The following FAT3 variants were observed in gnomAD, a reference collection of about 807,000 sequenced individuals.
FAT3 encodes protocadherin Fat 3.
A neutral mutation model predicts 310.2 loss-of-function variants in FAT3; 95 were observed. The observed-to-expected ratio is 0.31, with a 90% CI of 0.26 to 0.36. The LOEUF (loss-of-function observed/expected upper bound fraction) is 0.36. Among genes scored for constraint, FAT3 ranks in the 10% least tolerant of loss-of-function variants. The probability of loss-of-function intolerance (pLI) is 1.00; values close to 1 mark genes in which losing one functional copy is unlikely to be tolerated. For synonymous variants in FAT3, 2,314 were observed against 2,192.9 expected (o/e 1.06, Z -1.54); for missense variants, 5,408 against 5,715.6 (o/e 0.95, Z 1.74).
Position 92,798,545 on chromosome 11 carries a change from T to C in FAT3, c.5532T>C (p.Ile1844=), listed in dbSNP as rs2136179238. The change falls in exon 10 of 28, where the codon ATT becomes ATC. Residue 1844 remains isoleucine, a synonymous_variant. Coordinates refer to ENST00000525166, the MANE Select transcript of FAT3 (RefSeq NM_001367949.2). ...TTGCCAACCTGGACCATGAAACCAT[T>C]GCCCATTTCCATTTTCATGTGCATG... ...RTIANLDHET[I]AHFHFHVHVR... The C allele has an allele frequency of 1.9e-6, 3 of 1,613,724 alleles. No homozygotes were observed. The highest frequency in any genetic ancestry group is 2.5e-6 in the Non-Finnish European group (3 of 1,179,730).
chr11:92,682,157 C>T lies in FAT3; in HGVS notation c.3608-15227C>T, dbSNP rs138241006. On this transcript the variant is annotated intron_variant, in intron 3 of 27. Coordinates refer to ENST00000525166, the MANE Select transcript of FAT3 (RefSeq NM_001367949.2). ...CAAAACCTTAGGCAAGTTACACGGT[C>T]TTGCTAAGATTCAATCTCCTCAACT... Among the ~76,000 whole-genome samples, 5 of 152,308 alleles carry T rather than the reference C, an allele frequency of 3.3e-5. No homozygotes were observed. In the East Asian group the frequency reaches 9.7e-4, roughly 29 times the overall value.
chr11:92,548,552 G>A (rs1433749944), intron 3 of FAT3, among the ~76,000 whole-genome samples: 1 of 152,200 alleles, frequency 6.6e-6, no homozygotes, highest in African/African-American at 2.4e-5. Flanking sequence ...TCCCTGAACT[G>A]ATGATGATAA....
intron 3 of FAT3, among the ~76,000 whole-genome samples, chr11:92,634,764 TTGTGTTCCC>T (rs1941693114): frequency 6.6e-6 from 1 of 152,156 alleles, no homozygotes; most frequent in Admixed American, 6.5e-5. Context: ...GACTGAACAT[TTGTGTTCCC>T]CAAAAATTCA....
intron 3 of FAT3, among the ~76,000 whole-genome samples, chr11:92,607,074 G>A (rs1022221939): frequency 6.6e-6 from 1 of 152,196 alleles, no homozygotes; most frequent in African/African-American, 2.4e-5. Flanking sequence ...GATGTCCTTA[G>A]TGTTCACCTA....
At chr11:92,745,704 A>G (rs1051433526) in intron 4 of FAT3, among the ~76,000 whole-genome samples, 6 of 152,200 alleles carry the variant, frequency 3.9e-5, no homozygotes, top group African/African-American at 1.4e-4. Context: ...TGAATTGGTC[A>G]AGGATCTTTC....
At chr11:92,853,093 G>A (rs1948875170) in intron 19 of FAT3, among the ~76,000 whole-genome samples, 1 of 152,318 alleles carries the variant, frequency 6.6e-6, no homozygotes, top group South Asian at 2.1e-4. Context: ...TACTGGCCCA[G>A]ATCCCACACC....
chr11:92,237,490 C>T (rs1390117793), intron 1 of FAT3, among the ~76,000 whole-genome samples: 3 of 151,930 alleles, frequency 2.0e-5, no homozygotes, highest in Non-Finnish European at 4.4e-5. Context: ...TATTAATATC[C>T]CTGATGAGAA....
chr11:92,728,877 A>G lies in FAT3; in HGVS notation c.3669+31432A>G, dbSNP rs765759494. Among the ~76,000 whole-genome samples the G allele has an allele frequency of 1.1e-4, 17 of 152,168 alleles. 1 individual carries two copies. The highest frequency in any genetic ancestry group is 5.9e-5 in the Non-Finnish European group (4 of 68,022). Reference sequence around the variant, plus strand: ...TACAAGGACATTAGTGATGTCATCTATGGCCCACCAGGTTAATCCAGGATG... The same window carrying G: ...TACAAGGACATTAGTGATGTCATCTGTGGCCCACCAGGTTAATCCAGGATG... On this transcript the variant is annotated intron_variant, in intron 4 of 27. Coordinates refer to ENST00000525166, the MANE Select transcript of FAT3 (RefSeq NM_001367949.2).
intron 24 of FAT3, among the ~76,000 whole-genome samples, chr11:92,885,510 G>C (rs984029995): frequency 3.9e-5 from 6 of 152,162 alleles, no homozygotes; most frequent in African/African-American, 1.4e-4. Context: ...CTATTCTAGT[G>C]CTGCCCCAAC....
Position 92,835,006 on chromosome 11 carries a change from C to T in FAT3, c.10008C>T (p.Asp3336=), listed in dbSNP as rs781679576. ...TVNINLTDVN[D]NPPKFSQDVY... ...ACATCAACCTCACAGATGTTAATGA[C>T]AACCCTCCCAAGTTCAGCCAAGACG... Residue 3336 remains aspartate, a synonymous_variant, in exon 15 of 28, where the codon GAC becomes GAT. Transcript: ENST00000525166. The T allele has an allele frequency of 3.1e-6, 5 of 1,613,708 alleles. 1 individual carries two copies. The highest frequency in any genetic ancestry group is 1.7e-5 in the Admixed American group (1 of 59,990).
intron 1 of FAT3, among the ~76,000 whole-genome samples, chr11:92,309,283 T>G (rs562390783): frequency 6.6e-6 from 1 of 150,426 alleles, no homozygotes; most frequent in African/African-American, 2.5e-5. Context: ...ATCCTAGAGC[T>G]CTCCCCCCAG....
chr11:92,742,097 T>C (rs1195164568), intron 4 of FAT3, among the ~76,000 whole-genome samples: 3 of 152,220 alleles, frequency 2.0e-5, no homozygotes, highest in East Asian at 1.9e-4. Context: ...ATGGATGATA[T>C]GGCATTGTCT....
intron 2 of FAT3, among the ~76,000 whole-genome samples, chr11:92,456,865 G>T (rs1951507023): frequency 6.6e-6 from 1 of 152,140 alleles, no homozygotes; most frequent in South Asian, 2.1e-4. Context: ...GTGTGCCATG[G>T]TGAACAGCGC....
intron 3 of FAT3, among the ~76,000 whole-genome samples, chr11:92,594,612 G>A (rs909513583): frequency 5.3e-5 from 8 of 152,090 alleles, no homozygotes; most frequent in Non-Finnish European, 8.8e-5. Context: ...CCTAGTATGT[G>A]TCAAGCACTG....
At chr11:92,866,679 G>A (rs117887907) in intron 21 of FAT3, 62 bp from the exon 22 acceptor site, 84,203 of 1,464,344 alleles carry the variant, frequency 0.058, 2,759 homozygotes, top group Non-Finnish European at 0.067. Flanking sequence ...CAGGAGCAGG[G>A]TGTAGGGAAC....
In FAT3 at chr11:92,859,887, C is replaced by A. The variant is rs1949078309; in HGVS notation, c.11658+565C>A. 2.0e-5 allele frequency among the ~76,000 whole-genome samples: 3 copies of A among 152,228 alleles called. No individual in the cohort carries two copies. In the South Asian group the frequency reaches 6.2e-4, roughly 32 times the overall value. ...TATATTCACCTCAAGGATTCTGGTG[C>A]CTTTGTGAAAACAACAATAATAATG... On this transcript the variant is annotated intron_variant, in intron 21 of 27. Transcript: ENST00000525166.
At chr11:92,649,584 CCAAAGT>C (rs1942294014) in intron 3 of FAT3, among the ~76,000 whole-genome samples, 1 of 152,018 alleles carries the variant, frequency 6.6e-6, no homozygotes, top group Non-Finnish European at 1.5e-5. Flanking sequence ...AAGATTCTCC[CCAAAGT>C]TGCATAGCAG....
intron 3 of FAT3, among the ~76,000 whole-genome samples, chr11:92,672,400 A>G (rs1002311799): frequency 1.3e-5 from 2 of 152,216 alleles, no homozygotes; most frequent in African/African-American, 4.8e-5. Flanking sequence ...TGGACTTTGC[A>G]GTGTTTCCAG....
chr11:92,410,550 C>T (rs1399093341), intron 2 of FAT3, among the ~76,000 whole-genome samples: 1 of 152,134 alleles, frequency 6.6e-6, no homozygotes, highest in Admixed American at 6.5e-5. Flanking sequence ...GCCCAAGAGA[C>T]ATTCCCCAGT....
Sources: allele counts gnomAD v4.1 joint callset (sites outside exome capture counted in the v4.1 genomes callset), GRCh38; gene constraint gnomAD v4.1.1; transcripts MANE v1.5; gene names NCBI Gene and HGNC (gene_info 2026-07-23, HGNC 2026-07-21).